Variants in ZNF654 observed in about 807,000 individuals in gnomAD.
The protein encoded by ZNF654 is zinc finger protein 654, also known as melanoma-associated antigen.
ZNF654 carries 19 observed loss-of-function variants against 95.3 expected under a neutral mutation model. The observed-to-expected ratio is 0.20, with a 90% CI of 0.14 to 0.29. The LOEUF (loss-of-function observed/expected upper bound fraction) is 0.29, where lower values mean the gene tolerates loss of function less well. Among genes scored for constraint, ZNF654 ranks in the 10% least tolerant of loss-of-function variants. ZNF654 has a pLI of 1.00. For synonymous variants in ZNF654, 413 were observed against 457.9 expected (o/e 0.90, Z 1.25); for missense variants, 1,046 against 1,341.0 (o/e 0.78, Z 3.44).
At chr3:88,141,432 A>G (rs772294256) in intron 8 of ZNF654, among the ~76,000 whole-genome samples, 7 of 152,080 alleles carry the variant, frequency 4.6e-5, no homozygotes, top group Non-Finnish European at 7.4e-5. Context: ...GCATTCCAGA[A>G]TATAAATCAA....
In ZNF654 at chr3:88,142,296, C is replaced by CA. The variant is rs77096741; in HGVS notation, c.*652dup. On this transcript the variant is annotated 3_prime_UTR_variant, in exon 9 of 9. Coordinates refer to ENST00000636215, the MANE Select transcript of ZNF654 (RefSeq NM_001350134.2). ...CAGCATTGAAAATTAAAAAACAAAA[C>CA]AAAAAAAACCACAGTGCTTTGCTAA... is the stretch of plus-strand genomic sequence containing the variant. 6.2e-4 allele frequency: 93 copies of CA among 151,118 alleles called. No individual in the cohort carries two copies. The highest frequency in any genetic ancestry group is 2.0e-3 in the African/African-American group (84 of 41,158). The allele number at this position is 151,118 out of a possible 1,614,324, so 9.4% of individuals were successfully genotyped here.
intron 6 of ZNF654, among the ~76,000 whole-genome samples, chr3:88,133,167 T>C (rs989844623): frequency 6.6e-6 from 1 of 152,108 alleles, no homozygotes; most frequent in African/African-American, 2.4e-5. Context: ...TGAATTAATA[T>C]CTGAAGGGGA....
rs994103258 is a variant in ZNF654 at position 88,059,622 on chromosome 3, G to T, written c.186+117G>T. 2.2e-6 allele frequency: 3 copies of T among 1,375,434 alleles called. No homozygotes were observed. In the Admixed American group the frequency reaches 9.6e-5, roughly 44 times the overall value. 85.2% of individuals were successfully genotyped at this position (1,375,434 alleles called of 1,614,324 possible). A position where few individuals can be genotyped will look rare whatever the true frequency, so the allele number is the denominator to read the frequency against. On this transcript the variant is annotated intron_variant, in intron 1 of 8. Transcript: ENST00000636215. ...CCAGTGCCCGCTCCTCCCCAACAAG[G>T]AGGGTGAGGCTGAAGCTCCCTCCTC... is the stretch of plus-strand genomic sequence containing the variant.
At chr3:88,079,805 T>A (rs1439454083) in intron 1 of ZNF654, among the ~76,000 whole-genome samples, 2 of 152,112 alleles carry the variant, frequency 1.3e-5, no homozygotes, top group African/African-American at 4.8e-5. Flanking sequence ...TGTATAAATA[T>A]CAACTTTTAA....
chr3:88,063,526 G>A (rs1431825582), intron 1 of ZNF654, among the ~76,000 whole-genome samples: 1 of 152,010 alleles, frequency 6.6e-6, no homozygotes, highest in East Asian at 1.9e-4. Flanking sequence ...TCTTGATATA[G>A]GATTTACATA....
At position 88,140,021 on chromosome 3, in the gene ZNF654, G is replaced by T. The variant is rs1243827472; in HGVS notation, c.2352G>T (p.Trp784Cys). ...DLNVRQTVMK[W>C]SKGKCKFCQR... is the part of the protein sequence containing the mutation. ...ATGTGCGACAAACAGTAATGAAGTGGAGCAAAGGAAAATGCAAATTTTGTC... is the reference window on the plus strand; with the variant it reads ...ATGTGCGACAAACAGTAATGAAGTGTAGCAAAGGAAAATGCAAATTTTGTC... Residue 784 changes from tryptophan (W) to cysteine (C), a missense_variant, in exon 8 of 9, where the codon TGG becomes TGT. Trp to Cys is a radical substitution (Grantham distance 215). Transcript: ENST00000636215. The T allele has an allele frequency of 6.2e-7, 1 of 1,613,718 alleles. No homozygotes were observed. Among genetic ancestry groups the T allele is most frequent in the South Asian group, 1.1e-5 (1 of 91,070 alleles).
intron 1 of ZNF654, among the ~76,000 whole-genome samples, chr3:88,071,198 T>C (rs1037443136): frequency 9.2e-5 from 14 of 152,240 alleles, no homozygotes; most frequent in Non-Finnish European, 1.5e-5. Flanking sequence ...TAAGAAATTA[T>C]TATCTCGTTT....
intron 3 of ZNF654, among the ~76,000 whole-genome samples, chr3:88,114,025 A>G (rs1015578124): frequency 5.3e-5 from 8 of 152,184 alleles, no homozygotes; most frequent in Admixed American, 3.3e-4. Flanking sequence ...TCCGTAATCC[A>G]TTCTTAAACT....
At chr3:88,090,312 A>G (rs1708563791) in intron 2 of ZNF654, among the ~76,000 whole-genome samples, 1 of 152,182 alleles carries the variant, frequency 6.6e-6, no homozygotes, top group African/African-American at 2.4e-5. Context: ...AATTATATTG[A>G]TGACCCTGAT....
At position 88,081,956 on chromosome 3, in the gene ZNF654, A is replaced by T. The variant is rs542228071; in HGVS notation, c.187-4301A>T. On this transcript the variant is annotated intron_variant, in intron 1 of 8. Transcript: ENST00000636215. The stretch of plus-strand genomic sequence containing the variant: ...ACATAAGCATACTGAAGGGGGTAAG[A>T]CTAACCTAATGTGTTTTAAAACATT... 3.3e-5 allele frequency among the ~76,000 whole-genome samples: 5 copies of T among 152,332 alleles called. No individual in the cohort carries two copies. In the East Asian group the frequency reaches 9.6e-4, roughly 29 times the overall value.
intron 1 of ZNF654, among the ~76,000 whole-genome samples, chr3:88,078,809 A>AT (rs1014013213): frequency 6.6e-6 from 1 of 152,094 alleles, no homozygotes; most frequent in African/African-American, 2.4e-5. Flanking sequence ...ATGGATTAGT[A>AT]TTATTAACTG....
chr3:88,116,212 A>T (rs1279827729), intron 3 of ZNF654, among the ~76,000 whole-genome samples: 1 of 152,082 alleles, frequency 6.6e-6, no homozygotes, highest in Non-Finnish European at 1.5e-5. Flanking sequence ...AGTGACTTTT[A>T]TACCCACATT....
intron 5 of ZNF654, 56 bp downstream of exon 5, chr3:88,129,067 C>CAAAA: frequency 9.7e-7 from 1 of 1,036,212 alleles, no homozygotes; most frequent in Non-Finnish European, 1.3e-6. Context: ...AAAAAAAAAC[C>CAAAA]AAAAAAAAAA....
chr3:88,109,144 TGTGTG>T (rs1322798879), intron 2 of ZNF654, among the ~76,000 whole-genome samples: 5 of 131,736 alleles, frequency 3.8e-5, no homozygotes, highest in African/African-American at 1.8e-4. Flanking sequence ...TGGGCACTAG[TGTGTG>T]TGTGTGTGTG....
chr3:88,059,758 G>A (rs115264808), intron 1 of ZNF654, among the ~76,000 whole-genome samples: 1,885 of 152,134 alleles, frequency 0.012, 38 homozygotes, highest in African/African-American at 0.042. Flanking sequence ...AAAGAAGGAA[G>A]GTCGGCTGTC....
intron 1 of ZNF654, among the ~76,000 whole-genome samples, chr3:88,069,989 C>T (rs1707416017): frequency 6.6e-6 from 1 of 152,174 alleles, no homozygotes; most frequent in Non-Finnish European, 1.5e-5. Context: ...ATCTGTCGTA[C>T]TGTCATTTGA....
intron 6 of ZNF654, among the ~76,000 whole-genome samples, chr3:88,132,006 CATT>C (rs1307094604): frequency 4.6e-5 from 7 of 152,094 alleles, no homozygotes; most frequent in Admixed American, 4.6e-4. Context: ...CCTTCACAAT[CATT>C]AATAATAATA....
chr3:88,106,765 T>G lies in ZNF654; in HGVS notation c.333-6350T>G, dbSNP rs1219768615. On this transcript the variant is annotated intron_variant, in intron 2 of 8. Coordinates refer to ENST00000636215, the MANE Select transcript of ZNF654 (RefSeq NM_001350134.2). ...TGTTCCCCTATTGCTTCTGAGTTTCTTATCATAGTTAAACATTTCTCAGTA... is the reference window on the plus strand; with the variant it reads ...TGTTCCCCTATTGCTTCTGAGTTTCGTATCATAGTTAAACATTTCTCAGTA... Among the ~76,000 whole-genome samples the G allele has an allele frequency of 2.6e-5, 4 of 152,244 alleles. No individual in the cohort carries two copies. In the East Asian group the frequency reaches 7.7e-4, roughly 29 times the overall value.
At chr3:88,062,055 A>G (rs1706917116) in intron 1 of ZNF654, among the ~76,000 whole-genome samples, 1 of 152,194 alleles carries the variant, frequency 6.6e-6, no homozygotes, top group Non-Finnish European at 1.5e-5. Context: ...CCATAAGGAA[A>G]AGTAAAACAG....
Sources: allele counts gnomAD v4.1 joint callset (sites outside exome capture counted in the v4.1 genomes callset), GRCh38; gene constraint gnomAD v4.1.1; transcripts MANE v1.5; gene names NCBI Gene and HGNC (gene_info 2026-07-23, HGNC 2026-07-21).